Variants in NRCAM observed in about 807,000 individuals in gnomAD.
The protein encoded by NRCAM is neuronal cell adhesion molecule.
NRCAM carries 83 observed loss-of-function variants against 156.5 expected under a neutral mutation model. That is an observed-to-expected ratio of 0.53 (90% CI 0.44 to 0.64). NRCAM has a LOEUF of 0.64. Among genes scored for constraint, NRCAM ranks in the 30% least tolerant of loss-of-function variants. The probability of loss-of-function intolerance (pLI) is 0.00; values close to 1 mark genes in which losing one functional copy is unlikely to be tolerated. For missense variants in NRCAM, 1,417 were observed against 1,597.3 expected (o/e 0.89, Z 1.92); for synonymous variants, 538 against 563.9 (o/e 0.95, Z 0.65).
At chr7:108,306,925 T>G (rs2098723352) in intron 3 of NRCAM, among the ~76,000 whole-genome samples, 1 of 152,194 alleles carries the variant, frequency 6.6e-6, no homozygotes. Context: ...TTTACAAAAC[T>G]TTTGAAAAGA....
chr7:108,233,064 G>A (rs190698585), intron 6 of NRCAM, among the ~76,000 whole-genome samples: 200 of 152,276 alleles, frequency 1.3e-3, no homozygotes, highest in Non-Finnish European at 2.3e-3. Flanking sequence ...ATTAAAAATA[G>A]TAACTCTACA....
In NRCAM at chr7:108,411,534, T is replaced by G. The variant is rs151305541; in HGVS notation, c.-331-11941A>C. ...ATATCAGTAGACATGGGCCTAGATCTTTTCTATTTTTATAAAATAAAAATA... is the reference window on the plus strand; with the variant it reads ...ATATCAGTAGACATGGGCCTAGATCGTTTCTATTTTTATAAAATAAAAATA... On this transcript the variant is annotated intron_variant, in intron 1 of 32. Coordinates refer to ENST00000379028, the MANE Select transcript of NRCAM (RefSeq NM_001037132.4). 1.5e-4 allele frequency among the ~76,000 whole-genome samples: 23 copies of G among 152,318 alleles called. No homozygotes were observed. The East Asian group carries it at 3.7e-3, about 24-fold the overall frequency.
intron 18 of NRCAM, 112 bp downstream of exon 18, chr7:108,191,617 T>C (rs1311348930): frequency 8.0e-7 from 1 of 1,257,556 alleles, no homozygotes; most frequent in Non-Finnish European, 1.1e-6. Flanking sequence ...GGGTATGAAC[T>C]CACCCATGCA....
chr7:108,284,490 C>T (rs1456985904), intron 3 of NRCAM, among the ~76,000 whole-genome samples: 2 of 152,178 alleles, frequency 1.3e-5, no homozygotes, highest in African/African-American at 4.8e-5. Flanking sequence ...CACATGACTC[C>T]TCTGCTCAGG....
At chr7:108,260,646 A>T (rs2096855883) in intron 3 of NRCAM, among the ~76,000 whole-genome samples, 1 of 152,108 alleles carries the variant, frequency 6.6e-6, no homozygotes, top group Non-Finnish European at 1.5e-5. Context: ...TGCATTCCAG[A>T]GCGTGGGCAT....
intron 1 of NRCAM, among the ~76,000 whole-genome samples, chr7:108,440,860 T>C (rs16872572): frequency 0.044 from 6,659 of 152,266 alleles, 438 homozygotes; most frequent in African/African-American, 0.15. Flanking sequence ...TGAACTGTTA[T>C]CTAAAACGAA....
intron 32 of NRCAM, among the ~76,000 whole-genome samples, chr7:108,157,571 T>C (rs2046283465): frequency 6.6e-6 from 1 of 152,142 alleles, no homozygotes; most frequent in African/African-American, 2.4e-5. Flanking sequence ...CTCCATTTTT[T>C]AGAACAGATC....
chr7:108,336,323 C>T (rs1024337970), intron 2 of NRCAM, among the ~76,000 whole-genome samples: 1 of 151,960 alleles, frequency 6.6e-6, no homozygotes, highest in African/African-American at 2.4e-5. Flanking sequence ...TTTGTATGCA[C>T]CCAGAAGAAT....
At chr7:108,394,557 T>G (rs1224947027) in intron 2 of NRCAM, among the ~76,000 whole-genome samples, 1 of 152,196 alleles carries the variant, frequency 6.6e-6, no homozygotes, top group East Asian at 1.9e-4. Context: ...TTACATTCTC[T>G]GTGATACACA....
intron 20 of NRCAM, 122 bp from the exon 21 acceptor site, chr7:108,184,736 C>A: frequency 2.8e-6 from 2 of 702,778 alleles, no homozygotes; most frequent in Non-Finnish European, 4.5e-6. Flanking sequence ...ATTTTACTTT[C>A]AAGAAAAATG....
Position 108,377,259 on chromosome 7 carries a change from A to G in NRCAM, c.-174+22177T>C, listed in dbSNP as rs966842592. On this transcript the variant is annotated intron_variant, in intron 2 of 32. Coordinates refer to ENST00000379028, the MANE Select transcript of NRCAM (RefSeq NM_001037132.4). ...ATTAGGAAATTTATAGCCAATACAAACACACACACAAAAACTCACTTAGCA... is the reference window on the plus strand; with the variant it reads ...ATTAGGAAATTTATAGCCAATACAAGCACACACACAAAAACTCACTTAGCA... Among the ~76,000 whole-genome samples the G allele has an allele frequency of 1.2e-4, 18 of 152,184 alleles. No homozygotes were observed. The East Asian group carries it at 3.5e-3, about 29-fold the overall frequency.
rs181386236 is a variant in NRCAM, at chr7:108,404,850, C to T, written c.-331-5257G>A. Reference sequence around the variant, plus strand: ...GTGGAGGAAGTTGTTGGATTTGTTGCTAGGAAGAACGCTAAGCAAGTTTTG... The same window carrying T: ...GTGGAGGAAGTTGTTGGATTTGTTGTTAGGAAGAACGCTAAGCAAGTTTTG... On this transcript the variant is annotated intron_variant, in intron 1 of 32. Transcript: ENST00000379028. Among the ~76,000 whole-genome samples the T allele has an allele frequency of 2.0e-4, 30 of 152,248 alleles. No individual in the cohort carries two copies. The East Asian group carries it at 4.8e-3, about 25-fold the overall frequency.
At chr7:108,387,833 T>C (rs2099746024) in intron 2 of NRCAM, among the ~76,000 whole-genome samples, 1 of 152,002 alleles carries the variant, frequency 6.6e-6, no homozygotes, top group Admixed American at 6.6e-5. Context: ...CTTGTGATAG[T>C]TTGCTGAGAA....
At chr7:108,445,732 T>C (rs895154070) in intron 1 of NRCAM, among the ~76,000 whole-genome samples, 1 of 152,196 alleles carries the variant, frequency 6.6e-6, no homozygotes, top group Non-Finnish European at 1.5e-5. Flanking sequence ...AGTAGCCTAG[T>C]TCTTCTCAAA....
At chr7:108,391,606 A>G (rs1384273706) in intron 2 of NRCAM, among the ~76,000 whole-genome samples, 1 of 152,010 alleles carries the variant, frequency 6.6e-6, no homozygotes, top group Non-Finnish European at 1.5e-5. Context: ...TGTGAATTTG[A>G]TCCTGTCATT....
chr7:108,412,605 A>G (rs886660726), intron 1 of NRCAM, among the ~76,000 whole-genome samples: 4 of 152,182 alleles, frequency 2.6e-5, no homozygotes, highest in Admixed American at 2.0e-4. Flanking sequence ...CAATATGTTA[A>G]TAACTATAGT....
intron 3 of NRCAM, among the ~76,000 whole-genome samples, chr7:108,274,631 G>C (rs1468561876): frequency 1.3e-5 from 2 of 152,210 alleles, no homozygotes; most frequent in African/African-American, 4.8e-5. Flanking sequence ...AGCTTAACGA[G>C]ATTTTGGGCT....
intron 3 of NRCAM, among the ~76,000 whole-genome samples, chr7:108,249,047 A>C (rs1283876991): frequency 6.6e-6 from 1 of 152,174 alleles, no homozygotes; most frequent in Non-Finnish European, 1.5e-5. Flanking sequence ...TCTATGAATC[A>C]TTCTTTTCTA....
At chr7:108,257,778 C>A (rs552464510) in intron 3 of NRCAM, among the ~76,000 whole-genome samples, 4 of 152,190 alleles carry the variant, frequency 2.6e-5, no homozygotes, top group African/African-American at 7.2e-5. Flanking sequence ...TTCTACATAA[C>A]CTTGATTTCA....
Sources: allele counts gnomAD v4.1 joint callset (sites outside exome capture counted in the v4.1 genomes callset), GRCh38; gene constraint gnomAD v4.1.1; transcripts MANE v1.5; gene names NCBI Gene and HGNC (gene_info 2026-07-23, HGNC 2026-07-21).